Variants in DAD1 observed in about 807,000 individuals in gnomAD.
DAD1 encodes the protein defender against cell death 1.
A neutral mutation model predicts 9.0 loss-of-function variants in DAD1; 4 were observed. The observed-to-expected ratio is 0.44, with a 90% CI of 0.22 to 1.01. The LOEUF is 1.01. Among genes scored for constraint, DAD1 ranks in the 50% least tolerant of loss-of-function variants. DAD1 has a pLI of 0.24. For synonymous variants in DAD1, 60 were observed against 62.5 expected, an observed-to-expected ratio of 0.96 and a Z score of 0.19; for missense variants, 119 against 137.3, an observed-to-expected ratio of 0.87 and a Z score of 0.67.
chr14:22,572,565 G>C (rs187595577), intron 2 of DAD1, among the ~76,000 whole-genome samples: 1 of 152,280 alleles, frequency 6.6e-6, no homozygotes. Flanking sequence ...ATTCCCAGCT[G>C]AGCAGGTGGT....
chr14:22,571,154 T>C (rs930784313), intron 2 of DAD1, among the ~76,000 whole-genome samples: 31 of 151,590 alleles, frequency 2.0e-4, no homozygotes, highest in African/African-American at 7.0e-4. Context: ...AAACCCCATC[T>C]CTACTAAAAA....
chr14:22,573,460 GT>G (rs1240323761), intron 2 of DAD1, among the ~76,000 whole-genome samples: 1 of 151,956 alleles, frequency 6.6e-6, no homozygotes, highest in South Asian at 2.1e-4. Flanking sequence ...GTTCTTAAAA[GT>G]TTTTCACTGT....
chr14:22,583,378 A>C lies in DAD1; in HGVS notation c.211+5569T>G, dbSNP rs531626108. 1.6e-3 allele frequency among the ~76,000 whole-genome samples: 246 copies of C among 152,254 alleles called. 9 individuals carry two copies. In the East Asian group the frequency reaches 0.041, roughly 25 times the overall value. On this transcript the variant is annotated intron_variant, in intron 1 of 2. Transcript: ENST00000250498. ...CAGGAGAGTGTTGTATTCAAGAAAA[A>C]ACTTTCCTTTTACACAGAAGCCAAT...
At chr14:22,582,661 G>A (rs1008872643) in intron 1 of DAD1, among the ~76,000 whole-genome samples, 1 of 152,106 alleles carries the variant, frequency 6.6e-6, no homozygotes, top group Non-Finnish European at 1.5e-5. Flanking sequence ...TGAAACAGAT[G>A]CAGGAGATAA....
At chr14:22,584,577 A>T (rs2037139890) in intron 1 of DAD1, among the ~76,000 whole-genome samples, 1 of 152,110 alleles carries the variant, frequency 6.6e-6, no homozygotes, top group Admixed American at 6.6e-5. Flanking sequence ...AAAAAAGGAA[A>T]TTGCACTTGA....
intron 1 of DAD1, among the ~76,000 whole-genome samples, chr14:22,581,571 G>A (rs141378325): frequency 1.3e-3 from 184 of 145,876 alleles, no homozygotes; most frequent in African/African-American, 4.2e-3. Context: ...GAGAAACCCC[G>A]TCTCTACTAA....
intron 1 of DAD1, among the ~76,000 whole-genome samples, chr14:22,576,571 T>C (rs1022132612): frequency 6.6e-6 from 1 of 152,240 alleles, no homozygotes; most frequent in Non-Finnish European, 1.5e-5. Flanking sequence ...CAATGATTTA[T>C]TGGATATGAC....
chr14:22,583,241 T>C (rs1202357606), intron 1 of DAD1, among the ~76,000 whole-genome samples: 1 of 152,042 alleles, frequency 6.6e-6, no homozygotes, highest in African/African-American at 2.4e-5. Context: ...TTTAAGTTTA[T>C]CTATTTAAAA....
At chr14:22,571,630 T>TTTC (rs2139237630) in intron 2 of DAD1, among the ~76,000 whole-genome samples, 1 of 129,924 alleles carries the variant, frequency 7.7e-6, no homozygotes, top group South Asian at 2.2e-4. Context: ...GGGCTCTTTT[T>TTTC]TTTTTTTTTT....
intron 2 of DAD1, among the ~76,000 whole-genome samples, chr14:22,570,307 T>G (rs1475448148): frequency 1.3e-5 from 2 of 152,140 alleles, no homozygotes; most frequent in Non-Finnish European, 2.9e-5. Context: ...GTGCACAGTC[T>G]TGGTCTTCCC....
At chr14:22,580,917 G>T (rs1304025144) in intron 1 of DAD1, among the ~76,000 whole-genome samples, 1 of 151,640 alleles carries the variant, frequency 6.6e-6, no homozygotes, top group African/African-American at 2.4e-5. Flanking sequence ...ACATCTCTCA[G>T]ATGCATTGGA....
chr14:22,574,354 G>T (rs1178051077), intron 2 of DAD1, among the ~76,000 whole-genome samples: 2 of 151,972 alleles, frequency 1.3e-5, no homozygotes, highest in Non-Finnish European at 2.9e-5. Flanking sequence ...TTAGGGGAGG[G>T]CGTACCATAT....
At chr14:22,565,524 G>A (rs1158914648) in intron 2 of DAD1, among the ~76,000 whole-genome samples, 1 of 152,164 alleles carries the variant, frequency 6.6e-6, no homozygotes, top group Non-Finnish European at 1.5e-5. Flanking sequence ...AATCTAAAAT[G>A]CTTATGAAGC....
At chr14:22,577,412 T>C (rs2037084786) in intron 1 of DAD1, among the ~76,000 whole-genome samples, 1 of 151,990 alleles carries the variant, frequency 6.6e-6, no homozygotes, top group African/African-American at 2.4e-5. Flanking sequence ...CCAGCCTAGG[T>C]GACAAGAGAG....
At chr14:22,566,395 C>T (rs2037002233) in intron 2 of DAD1, among the ~76,000 whole-genome samples, 1 of 151,670 alleles carries the variant, frequency 6.6e-6, no homozygotes, top group South Asian at 2.1e-4. Context: ...AGTGCAATGG[C>T]GTGATCTCGG....
chr14:22,573,103 C>T (rs1028310614), intron 2 of DAD1, among the ~76,000 whole-genome samples: 1 of 152,016 alleles, frequency 6.6e-6, no homozygotes, highest in African/African-American at 2.4e-5. Context: ...CCTAAATGGG[C>T]TGTATTTTAA....
In DAD1 at chr14:22,575,210, G is replaced by T. The variant is rs373860610; in HGVS notation, c.235C>A (p.Pro79Thr). 2 of 1,613,990 alleles carry T rather than the reference G, an allele frequency of 1.2e-6. No homozygotes were observed. Among genetic ancestry groups the T allele is most frequent in the Non-Finnish European group, 1.7e-6 (2 of 1,179,978 alleles). ...LAVCLRIQIN[P>T]QNKADFQGIS... ...CCTTGGAAATCCGCTTTGTTCTGTGGGTTGATCTGTATTCTCAGGCAAACT... is the reference window on the plus strand; with the variant it reads ...CCTTGGAAATCCGCTTTGTTCTGTGTGTTGATCTGTATTCTCAGGCAAACT... The change falls in exon 2 of 3, where the codon CCA becomes ACA. Residue 79 changes from proline (P) to threonine (T), a missense_variant. By Grantham distance (38) the Pro-to-Thr change is conservative. Transcript: ENST00000250498.
At chr14:22,584,924 C>T (rs2037142440) in intron 1 of DAD1, among the ~76,000 whole-genome samples, 1 of 152,226 alleles carries the variant, frequency 6.6e-6, no homozygotes, top group Non-Finnish European at 1.5e-5. Flanking sequence ...TTACAGTAGT[C>T]TTCATAAGAG....
chr14:22,585,038 AT>A (rs1374632343), intron 1 of DAD1, among the ~76,000 whole-genome samples: 1 of 152,264 alleles, frequency 6.6e-6, no homozygotes, highest in African/African-American at 2.4e-5. Context: ...AATCTCTCGG[AT>A]AACAGTTATG....
Sources: gnomAD v4.1 joint callset for allele counts (sites outside exome capture counted in the v4.1 genomes callset) on GRCh38, gnomAD v4.1.1 for gene constraint, MANE v1.5 for transcripts, NCBI Gene and HGNC (gene_info 2026-07-23, HGNC 2026-07-21) for gene names.